GON7: variants seen among roughly 807,000 people sequenced by gnomAD.
GON7 encodes the protein GON7 subunit of KEOPS complex, also known as EKC/KEOPS complex subunit GON7.
Under a neutral mutation model 7.6 loss-of-function variants are expected in GON7, and 2 were observed. The observed-to-expected ratio is 0.26, with a 90% CI of 0.11 to 0.83. The LOEUF is 0.83. GON7 is among the 40% of genes least tolerant of loss of function. The pLI is 0.65. For synonymous variants in GON7, 54 were observed against 56.6 expected, an observed-to-expected ratio of 0.95 and a Z score of 0.20; for missense variants, 121 against 132.2, an observed-to-expected ratio of 0.92 and a Z score of 0.42.
chr14:93,204,771 A>G (rs1268629323), intron 1 of GON7, among the ~76,000 whole-genome samples: 1 of 152,210 alleles, frequency 6.6e-6, no homozygotes, highest in Non-Finnish European at 1.5e-5. Flanking sequence ...TTGTATGGAT[A>G]TACCACATTT....
intron 1 of GON7, among the ~76,000 whole-genome samples, chr14:93,204,976 C>A (rs548848703): frequency 1.3e-5 from 2 of 152,236 alleles, no homozygotes; most frequent in Non-Finnish European, 2.9e-5. Flanking sequence ...CCAAGCCCAG[C>A]CAATTGTTGT....
At chr14:93,203,864 A>G (rs1016875813) in intron 1 of GON7, 82 bp from the exon 2 acceptor site, 2 of 952,596 alleles carry the variant, frequency 2.1e-6, no homozygotes, top group Non-Finnish European at 3.2e-6. Context: ...TGATAATGAG[A>G]CCATTTCACT....
At position 93,203,034 on chromosome 14, in the gene GON7, A is replaced by G. The variant is rs1390170488; in HGVS notation, c.*654T>C. 6.6e-6 allele frequency: 1 copy of G among 152,234 alleles called. No homozygotes were observed. Among genetic ancestry groups the G allele is most frequent in the East Asian group, 1.9e-4 (1 of 5,198 alleles). 9.4% of individuals were successfully genotyped at this position (152,234 alleles called of 1,614,324 possible). ...TAAGGCCTTATATTTGTACCTGTATAAATACCATATCACAGCACAAAAACA... is the reference window on the plus strand; with the variant it reads ...TAAGGCCTTATATTTGTACCTGTATGAATACCATATCACAGCACAAAAACA... On this transcript the variant is annotated 3_prime_UTR_variant, in exon 2 of 2. Coordinates refer to ENST00000306954, the MANE Select transcript of GON7 (RefSeq NM_032490.5).
chr14:93,206,999 C>T lies in GON7; in HGVS notation c.39G>A (p.Lys13=), dbSNP rs757823779. 2.5e-6 allele frequency: 4 copies of T among 1,613,852 alleles called. No individual in the cohort carries two copies. In the African/African-American group the frequency reaches 5.3e-5, roughly 22 times the overall value. Residue 13 remains lysine (K), a synonymous_variant, in exon 1 of 2, where the codon AAG becomes AAA. Transcript: ENST00000306954. The part of the protein sequence containing the change: ...LLGEYVGQEG[K]PQKLRVSCEA... ...CACAGGACACCCGCAGCTTCTGCGGCTTCCCTTCCTGCCCGACGTACTCTC... is the reference window on the plus strand; with the variant it reads ...CACAGGACACCCGCAGCTTCTGCGGTTTCCCTTCCTGCCCGACGTACTCTC...
In GON7 at chr14:93,206,974, C is replaced by T; in HGVS notation, c.64G>A (p.Glu22Lys). The T allele has an allele frequency of 6.2e-7, 1 of 1,614,222 alleles. No homozygotes were observed. Among genetic ancestry groups the T allele is most frequent in the Non-Finnish European group, 8.5e-7 (1 of 1,180,040 alleles). The change falls in exon 1 of 2, where the codon GAG becomes AAG. Residue 22 changes from glutamate (E) to lysine (K), a missense_variant. Physicochemically the swap from Glu to Lys is moderately conservative, Grantham distance 56 (BLOSUM62 1). Coordinates refer to ENST00000306954, the MANE Select transcript of GON7 (RefSeq NM_032490.5). ...AAAGGGTCGCCGTCACCCGGCGCCTCACAGGACACCCGCAGCTTCTGCGGC... is the reference window on the plus strand; with the variant it reads ...AAAGGGTCGCCGTCACCCGGCGCCTTACAGGACACCCGCAGCTTCTGCGGC... ...GKPQKLRVSC[E>K]APGDGDPFQG...
chr14:93,204,908 C>G (rs1894311711), intron 1 of GON7, among the ~76,000 whole-genome samples: 1 of 152,132 alleles, frequency 6.6e-6, no homozygotes, highest in African/African-American at 2.4e-5. Context: ...GCAATCAGCC[C>G]ACTGCAGCTT....
At chr14:93,203,913 G>T (rs949708328) in intron 1 of GON7, 131 bp from the exon 2 acceptor site, 3 of 584,622 alleles carry the variant, frequency 5.1e-6, no homozygotes, top group African/African-American at 3.8e-5. Context: ...AGATTAAAAT[G>T]ATTTTGAGAA....
At chr14:93,205,831 T>C (rs145830150) in intron 1 of GON7, among the ~76,000 whole-genome samples, 16 of 152,336 alleles carry the variant, frequency 1.1e-4, no homozygotes, top group Non-Finnish European at 1.9e-4. Flanking sequence ...TCCCAGTCTT[T>C]GGAACCTGTT....
intron 1 of GON7, among the ~76,000 whole-genome samples, chr14:93,205,517 A>C (rs1595261643): frequency 6.6e-6 from 1 of 152,218 alleles, no homozygotes; most frequent in Non-Finnish European, 1.5e-5. Flanking sequence ...AAAATACAAA[A>C]TTAGCTGGGA....
chr14:93,203,589 C>A lies in GON7; in HGVS notation c.*99G>T, dbSNP rs146044377. ...ACAAAATTGTCCCAGGAGAACAACA[C>A]AAATGCTTTTTCCAAATTAGAGCAT... On this transcript the variant is annotated 3_prime_UTR_variant, in exon 2 of 2. Transcript: ENST00000306954. 71 of 1,033,682 alleles carry A rather than the reference C, an allele frequency of 6.9e-5. No homozygotes were observed. In the Middle Eastern group the frequency reaches 7.1e-4, roughly 10 times the overall value. 64.0% of individuals were successfully genotyped at this position (1,033,682 alleles called of 1,614,324 possible).
chr14:93,205,852 GAT>G (rs1175888598), intron 1 of GON7, among the ~76,000 whole-genome samples: 1 of 152,126 alleles, frequency 6.6e-6, no homozygotes, highest in East Asian at 1.9e-4. Flanking sequence ...CCTACTCTGC[GAT>G]AGATTGTACT....
rs191358295 is a variant in GON7 at position 93,204,085 on chromosome 14, T to G, written c.209-303A>C. Among the ~76,000 whole-genome samples, 567 of 152,286 alleles carry G rather than the reference T, an allele frequency of 3.7e-3. 4 individuals are homozygous for G. The highest frequency in any genetic ancestry group is 0.013 in the African/African-American group (541 of 41,558). ...ATCTCAGCTTACTGCAACCTCCGCCTCCGGGGTTCAAGCGATTCCTCTGTC... is the reference window on the plus strand; with the variant it reads ...ATCTCAGCTTACTGCAACCTCCGCCGCCGGGGTTCAAGCGATTCCTCTGTC... On this transcript the variant is annotated intron_variant, in intron 1 of 1. Coordinates refer to ENST00000306954, the MANE Select transcript of GON7 (RefSeq NM_032490.5).
In GON7 at chr14:93,206,952, G is replaced by A. The variant is rs766107491; in HGVS notation, c.86C>T (p.Pro29Leu). 6.2e-7 allele frequency: 1 copy of A among 1,614,248 alleles called. No individual in the cohort carries two copies. The highest frequency in any genetic ancestry group is 8.5e-7 in the Non-Finnish European group (1 of 1,180,048). ...VSCEAPGDGD[P>L]FQGLLSGVAQ... ...CACGCCAGACAACAGGCCCTGGAAA[G>A]GGTCGCCGTCACCCGGCGCCTCACA... is the stretch of plus-strand genomic sequence containing the variant. Residue 29 changes from proline to leucine, a missense_variant, in exon 1 of 2, where the codon CCT becomes CTT. Physicochemically the swap from Pro to Leu is moderately conservative, Grantham distance 98. Coordinates refer to ENST00000306954, the MANE Select transcript of GON7 (RefSeq NM_032490.5).
In GON7 at chr14:93,203,581, G is replaced by T. The variant is rs557001666; in HGVS notation, c.*107C>A. The T allele has an allele frequency of 2.0e-5, 18 of 906,798 alleles. No individual in the cohort carries two copies. Among genetic ancestry groups the T allele is most frequent in the Middle Eastern group, 2.6e-4 (1 of 3,790 alleles). 56.2% of individuals were successfully genotyped at this position (906,798 alleles called of 1,614,324 possible). A position where few individuals can be genotyped will look rare whatever the true frequency, so the allele number is the denominator to read the frequency against. On this transcript the variant is annotated 3_prime_UTR_variant, in exon 2 of 2. Transcript: ENST00000306954. Reference sequence around the variant, plus strand: ...TCTCTTTGACAAAATTGTCCCAGGAGAACAACACAAATGCTTTTTCCAAAT... The same window carrying T: ...TCTCTTTGACAAAATTGTCCCAGGATAACAACACAAATGCTTTTTCCAAAT...
intron 1 of GON7, among the ~76,000 whole-genome samples, chr14:93,206,467 A>C (rs751434095): frequency 7.9e-5 from 12 of 152,344 alleles, no homozygotes; most frequent in South Asian, 4.1e-4. Flanking sequence ...AATAAACGAA[A>C]TAGCGATGAG....
At position 93,206,811 on chromosome 14, in the gene GON7, G is replaced by A; in HGVS notation, c.208+19C>T. Reference sequence around the variant, plus strand: ...CCCGCCCCGTCCTCCGGTCACTGCAGCACCGTCTCAGAGCTCACCGTCCAA... The same window carrying A: ...CCCGCCCCGTCCTCCGGTCACTGCAACACCGTCTCAGAGCTCACCGTCCAA... On this transcript the variant is annotated intron_variant, in intron 1 of 1. Transcript: ENST00000306954. 6.2e-7 allele frequency: 1 copy of A among 1,609,404 alleles called. No individual in the cohort carries two copies. Among genetic ancestry groups the A allele is most frequent in the Non-Finnish European group, 8.5e-7 (1 of 1,177,956 alleles).
intron 1 of GON7, among the ~76,000 whole-genome samples, chr14:93,204,761 T>C (rs1894310097): frequency 6.6e-6 from 1 of 152,238 alleles, no homozygotes; most frequent in Non-Finnish European, 1.5e-5. Flanking sequence ...TAATAGTCCA[T>C]TGTATGGATA....
chr14:93,206,723 G>A (rs1894352848), intron 1 of GON7, 107 bp downstream of exon 1: 5 of 1,202,460 alleles, frequency 4.2e-6, no homozygotes, highest in Non-Finnish European at 3.4e-6. Flanking sequence ...TTCTTTCCTC[G>A]AGGCTCACTT....
chr14:93,205,572 C>G (rs1894322722), intron 1 of GON7, among the ~76,000 whole-genome samples: 1 of 151,598 alleles, frequency 6.6e-6, no homozygotes, highest in Non-Finnish European at 1.5e-5. Context: ...GAGGCTGAGA[C>G]AGGAGAATCG....
Sources: allele counts gnomAD v4.1 joint callset (sites outside exome capture counted in the v4.1 genomes callset), GRCh38; gene constraint gnomAD v4.1.1; transcripts MANE v1.5; gene names NCBI Gene and HGNC (gene_info 2026-07-23, HGNC 2026-07-21).